The following IQCM variants were observed in gnomAD, a reference collection of about 807,000 sequenced individuals.
IQCM encodes IQ domain-containing protein M.
IQCM carries 45 observed loss-of-function variants against 57.6 expected under a neutral mutation model. That is an observed-to-expected ratio of 0.78 (90% CI 0.62 to 1.00). IQCM has a LOEUF of 1.00. Ranked by LOEUF, IQCM falls within the 50% of genes least tolerant of loss-of-function variation. The probability of loss-of-function intolerance (pLI) is 0.00; values close to 1 mark genes in which losing one functional copy is unlikely to be tolerated. For synonymous variants in IQCM, 148 were observed against 158.9 expected, an observed-to-expected ratio of 0.93 and a Z score of 0.51; for missense variants, 468 against 511.6, an observed-to-expected ratio of 0.91 and a Z score of 0.82.
At chr4:149,681,730 C>T (rs1219545556) in intron 7 of IQCM, among the ~76,000 whole-genome samples, 1 of 151,064 alleles carries the variant, frequency 6.6e-6, no homozygotes, top group African/African-American at 2.4e-5. Flanking sequence ...GGTCTTTAAG[C>T]AGTTCAAGTT....
At chr4:149,708,230 T>C (rs1392133837) in intron 5 of IQCM, among the ~76,000 whole-genome samples, 2 of 152,068 alleles carry the variant, frequency 1.3e-5, no homozygotes, top group Admixed American at 6.6e-5. Flanking sequence ...AAGCAAGTTA[T>C]TGTAATGTTA....
chr4:149,654,497 C>G (rs1759470023), intron 7 of IQCM, among the ~76,000 whole-genome samples: 1 of 152,152 alleles, frequency 6.6e-6, no homozygotes, highest in Non-Finnish European at 1.5e-5. Context: ...CCTGCTTCAC[C>G]TTCCGCCATG....
intron 10 of IQCM, among the ~76,000 whole-genome samples, chr4:149,553,954 T>C (rs1303353749): frequency 1.3e-5 from 2 of 152,314 alleles, no homozygotes; most frequent in East Asian, 3.9e-4. Flanking sequence ...TAAAGAGCCA[T>C]TCCCTTTTAG....
At chr4:149,372,039 T>C (rs1730404374) in intron 13 of IQCM, among the ~76,000 whole-genome samples, 2 of 152,188 alleles carry the variant, frequency 1.3e-5, no homozygotes. Context: ...TTCTGATAAG[T>C]ACTTTAATTA....
chr4:149,745,424 T>C lies in IQCM; in HGVS notation c.-48-2685A>G, dbSNP rs139435343. Among the ~76,000 whole-genome samples, 48 of 152,328 alleles carry C rather than the reference T, an allele frequency of 3.2e-4. 1 individual carries two copies. Among genetic ancestry groups the C allele is most frequent in the African/African-American group, 1.0e-3 (43 of 41,592 alleles). On this transcript the variant is annotated intron_variant, in intron 2 of 13. Transcript: ENST00000636793. ...GAAGGATCTCAAAAAGCATTTGCTA[T>C]TTGTATAATCAGTAATTATGGCAAC...
At position 149,561,390 on chromosome 4, in the gene IQCM, T is replaced by C. The variant is rs537763981; in HGVS notation, c.948+2302A>G. Among the ~76,000 whole-genome samples, 15 of 152,332 alleles carry C rather than the reference T, an allele frequency of 9.8e-5. No homozygotes were observed. The South Asian group carries it at 3.1e-3, about 32-fold the overall frequency. The stretch of plus-strand genomic sequence containing the variant: ...TAAATTATATAGCATGTATCAAATG[T>C]GTGTAGACAGAACTTTAAGGATGTG... On this transcript the variant is annotated intron_variant, in intron 10 of 13. Coordinates refer to ENST00000636793, the MANE Select transcript of IQCM (RefSeq NM_001363507.2).
chr4:149,588,138 ATT>A, intron 8 of IQCM, 141 bp from the exon 9 acceptor site: 1 of 397,242 alleles, frequency 2.5e-6, no homozygotes, highest in Non-Finnish European at 4.3e-6. Context: ...ATTTATATAC[ATT>A]TTTTAGTATA....
At chr4:149,490,121 T>G (rs1741935304) in intron 12 of IQCM, among the ~76,000 whole-genome samples, 1 of 151,926 alleles carries the variant, frequency 6.6e-6, no homozygotes, top group Admixed American at 6.6e-5. Context: ...AGAAATAAGT[T>G]GCATAATCAA....
chr4:149,476,004 G>A (rs1160487766), intron 12 of IQCM, among the ~76,000 whole-genome samples: 4 of 152,100 alleles, frequency 2.6e-5, no homozygotes, highest in Non-Finnish European at 5.9e-5. Context: ...GATGACAGAG[G>A]TGAAGGTTTT....
intron 8 of IQCM, among the ~76,000 whole-genome samples, chr4:149,609,319 C>T (rs1045444439): frequency 1.3e-5 from 2 of 151,668 alleles, no homozygotes; most frequent in Non-Finnish European, 3.0e-5. Context: ...ATTTAAAGAA[C>T]AGCTAATACT....
intron 13 of IQCM, among the ~76,000 whole-genome samples, chr4:149,362,194 C>T (rs1468195670): frequency 6.6e-6 from 1 of 152,108 alleles, no homozygotes; most frequent in African/African-American, 2.4e-5. Flanking sequence ...AACTAGCTTG[C>T]TTTTGATTTT....
At chr4:149,594,568 T>C (rs1329432626) in intron 8 of IQCM, among the ~76,000 whole-genome samples, 2 of 152,218 alleles carry the variant, frequency 1.3e-5, no homozygotes, top group African/African-American at 2.4e-5. Flanking sequence ...TTTTAGATCT[T>C]TCCTGCTTTC....
At chr4:149,621,321 C>T in intron 7 of IQCM, 77 bp from the exon 8 acceptor site, 1 of 583,422 alleles carries the variant, frequency 1.7e-6, no homozygotes. Context: ...CTTAATGTTG[C>T]AAAGAGTAAA....
At chr4:149,787,626 G>T (rs1417774233) in intron 2 of IQCM, among the ~76,000 whole-genome samples, 1 of 152,004 alleles carries the variant, frequency 6.6e-6, no homozygotes, top group Non-Finnish European at 1.5e-5. Context: ...TATGAAAATT[G>T]GATATCCATA....
At chr4:149,412,600 T>C (rs754656183) in intron 13 of IQCM, among the ~76,000 whole-genome samples, 12 of 152,122 alleles carry the variant, frequency 7.9e-5, no homozygotes, top group Non-Finnish European at 1.3e-4. Flanking sequence ...GTGCTGTAGA[T>C]AGAAAGATTA....
intron 9 of IQCM, among the ~76,000 whole-genome samples, chr4:149,587,640 C>T (rs2726757): frequency 0.5 from 75,254 of 151,474 alleles, 18,978 homozygotes; most frequent in Non-Finnish European, 0.55. Context: ...CTGTCATTTA[C>T]GGCATTTACT....
intron 5 of IQCM, among the ~76,000 whole-genome samples, chr4:149,698,670 A>G (rs1763524343): frequency 6.6e-6 from 1 of 152,126 alleles, no homozygotes; most frequent in South Asian, 2.1e-4. Context: ...AAGACAATGT[A>G]ATGAAAACCA....
intron 2 of IQCM, among the ~76,000 whole-genome samples, chr4:149,769,768 C>T (rs1191396644): frequency 6.6e-6 from 1 of 151,466 alleles, no homozygotes; most frequent in East Asian, 1.9e-4. Flanking sequence ...CACCTAATAA[C>T]AGAGCTTGAA....
intron 12 of IQCM, among the ~76,000 whole-genome samples, chr4:149,477,267 AT>A (rs949000547): frequency 2.0e-5 from 3 of 151,972 alleles, no homozygotes; most frequent in African/African-American, 7.3e-5. Context: ...TATTGAAGCT[AT>A]TTTTTTCTGT....
Sources: allele counts gnomAD v4.1 joint callset (sites outside exome capture counted in the v4.1 genomes callset), GRCh38; gene constraint gnomAD v4.1.1; transcripts MANE v1.5; gene names NCBI Gene and HGNC (gene_info 2026-07-23, HGNC 2026-07-21).